The following KAT2B variants were observed in gnomAD, a reference collection of about 807,000 sequenced individuals.
KAT2B encodes the protein lysine acetyltransferase 2B.
Under a neutral mutation model 105.9 loss-of-function variants are expected in KAT2B, and 36 were observed. The ratio of observed to expected loss-of-function variants is 0.34; its 90% CI spans 0.26 to 0.45. The LOEUF (loss-of-function observed/expected upper bound fraction) is 0.45, where lower values mean the gene tolerates loss of function less well. Among genes scored for constraint, KAT2B ranks in the 20% least tolerant of loss-of-function variants. KAT2B has a pLI of 1.00. For missense variants in KAT2B, 820 were observed against 1,021.6 expected (o/e 0.80, Z 2.69); for synonymous variants, 397 against 377.9 (o/e 1.05, Z -0.59).
intron 9 of KAT2B, among the ~76,000 whole-genome samples, chr3:20,123,533 T>G (rs1260659089): frequency 1.3e-5 from 2 of 152,240 alleles, no homozygotes; most frequent in Non-Finnish European, 2.9e-5. Context: ...TTGCAAAGTA[T>G]GAAATATTTA....
chr3:20,043,261 T>G lies in KAT2B; in HGVS notation c.303+2481T>G, dbSNP rs549026362. Among the ~76,000 whole-genome samples, 3 of 152,280 alleles carry G rather than the reference T, an allele frequency of 2.0e-5. No individual in the cohort carries two copies. The East Asian group carries it at 5.8e-4, about 29-fold the overall frequency. ...AGTAAATATTTAGAGGGTTACCAAC[T>G]GGGTGTCAGGCATTGGGCTAGGTGC... is the stretch of plus-strand genomic sequence containing the variant. On this transcript the variant is annotated intron_variant, in intron 1 of 17. Transcript: ENST00000263754.
intron 2 of KAT2B, among the ~76,000 whole-genome samples, chr3:20,082,753 C>A (rs1698542038): frequency 6.6e-6 from 1 of 152,154 alleles, no homozygotes; most frequent in Non-Finnish European, 1.5e-5. Context: ...TAACATTTTT[C>A]TACAACCAAA....
intron 7 of KAT2B, among the ~76,000 whole-genome samples, chr3:20,116,808 T>C (rs1422626256): frequency 1.3e-5 from 2 of 152,136 alleles, no homozygotes; most frequent in Non-Finnish European, 2.9e-5. Flanking sequence ...GTTGAGGAAA[T>C]AGAAGCTCAG....
intron 11 of KAT2B, among the ~76,000 whole-genome samples, chr3:20,131,453 C>T (rs1181573037): frequency 6.6e-6 from 1 of 152,186 alleles, no homozygotes; most frequent in Non-Finnish European, 1.5e-5. Context: ...AACCCAGCAA[C>T]ACTAGACAAC....
chr3:20,140,389 C>A (rs752185302), intron 13 of KAT2B, 25 bp downstream of exon 13: 7 of 1,612,212 alleles, frequency 4.3e-6, no homozygotes. Context: ...GACTCCCTTA[C>A]CTTCTGTACA....
At chr3:20,118,786 A>G (rs1359262427) in intron 7 of KAT2B, among the ~76,000 whole-genome samples, 1 of 147,338 alleles carries the variant, frequency 6.8e-6, no homozygotes, top group African/African-American at 2.5e-5. Context: ...ATATATTTAT[A>G]CGTTATATAT....
intron 2 of KAT2B, among the ~76,000 whole-genome samples, chr3:20,093,484 C>A (rs1209378210): frequency 2.6e-5 from 4 of 152,042 alleles, no homozygotes. Flanking sequence ...TAGTTGGAAA[C>A]CAAGAGTTGT....
intron 3 of KAT2B, among the ~76,000 whole-genome samples, chr3:20,096,043 A>G (rs1238343275): frequency 6.6e-6 from 1 of 152,172 alleles, no homozygotes; most frequent in Non-Finnish European, 1.5e-5. Flanking sequence ...TAGGCCGTGC[A>G]CTAAGAGAGC....
In KAT2B at chr3:20,095,249, G is replaced by C. The variant is rs1189380925; in HGVS notation, c.431-14G>C. 6.2e-6 allele frequency: 10 copies of C among 1,604,298 alleles called. No homozygotes were observed. Among genetic ancestry groups the C allele is most frequent in the African/African-American group, 5.4e-5 (4 of 74,482 alleles). On this transcript the variant is annotated splice_polypyrimidine_tract_variant and intron_variant, in intron 2 of 17. Transcript: ENST00000263754. ...ATTGAGGTCTTACATATGTTTCTTT[G>C]ATCTTATCATAAGCTGCTCATGTTT... is the stretch of plus-strand genomic sequence containing the variant.
At chr3:20,097,440 GTAT>G (rs1281189660) in intron 3 of KAT2B, among the ~76,000 whole-genome samples, 1 of 152,086 alleles carries the variant, frequency 6.6e-6, no homozygotes, top group African/African-American at 2.4e-5. Flanking sequence ...CCTGCAAAAA[GTAT>G]TATTCTTGGG....
intron 1 of KAT2B, among the ~76,000 whole-genome samples, chr3:20,050,829 A>G (rs1217625097): frequency 6.6e-6 from 1 of 151,874 alleles, no homozygotes; most frequent in African/African-American, 2.4e-5. Flanking sequence ...TGAATCTTTA[A>G]CTAAGCTTTT....
chr3:20,090,896 C>G lies in KAT2B; in HGVS notation c.431-4367C>G, dbSNP rs1298805771. ...CTGGGACTACAGGCATGTGACACCA[C>G]ACCTGCCTAATTTTTATTTATTTAT... is the stretch of plus-strand genomic sequence containing the variant. On this transcript the variant is annotated intron_variant, in intron 2 of 17. Coordinates refer to ENST00000263754, the MANE Select transcript of KAT2B (RefSeq NM_003884.5). Among the ~76,000 whole-genome samples, 11 of 152,164 alleles carry G rather than the reference C, an allele frequency of 7.2e-5. No individual in the cohort carries two copies. In the South Asian group the frequency reaches 8.3e-4, roughly 11 times the overall value.
chr3:20,041,374 C>G (rs903911339), intron 1 of KAT2B, among the ~76,000 whole-genome samples: 1 of 152,122 alleles, frequency 6.6e-6, no homozygotes, highest in African/African-American at 2.4e-5. Flanking sequence ...GGCACTGCCG[C>G]GCGCGGTGAC....
chr3:20,055,859 T>G (rs570051622), intron 1 of KAT2B, among the ~76,000 whole-genome samples: 1 of 152,304 alleles, frequency 6.6e-6, no homozygotes, highest in South Asian at 2.1e-4. Flanking sequence ...TTGTGTCACT[T>G]TAAGTTAATT....
chr3:20,139,655 GTTA>G (rs1699664858), intron 12 of KAT2B, among the ~76,000 whole-genome samples: 1 of 151,972 alleles, frequency 6.6e-6, no homozygotes, highest in Non-Finnish European at 1.5e-5. Context: ...GAAGCAGTCT[GTTA>G]TTATGGCTTA....
intron 1 of KAT2B, among the ~76,000 whole-genome samples, chr3:20,044,460 A>G (rs1467469335): frequency 1.3e-5 from 2 of 152,062 alleles, no homozygotes; most frequent in South Asian, 2.1e-4. Flanking sequence ...AGATCTGACC[A>G]TGTTATACCC....
At chr3:20,122,056 AAGG>A (rs1361441576) in intron 8 of KAT2B, among the ~76,000 whole-genome samples, 1 of 152,156 alleles carries the variant, frequency 6.6e-6, no homozygotes, top group Non-Finnish European at 1.5e-5. Flanking sequence ...ACATGACTAC[AAGG>A]AGAAATAATC....
intron 2 of KAT2B, among the ~76,000 whole-genome samples, chr3:20,082,758 A>C (rs1698542132): frequency 6.6e-6 from 1 of 152,230 alleles, no homozygotes; most frequent in South Asian, 2.1e-4. Flanking sequence ...TTTTTCTACA[A>C]CCAAACCAAA....
At chr3:20,054,517 C>T (rs1358461270) in intron 1 of KAT2B, among the ~76,000 whole-genome samples, 2 of 152,302 alleles carry the variant, frequency 1.3e-5, no homozygotes, top group African/African-American at 4.8e-5. Flanking sequence ...TTAGGGTAAT[C>T]TTGTCAGTAA....
Sources: gnomAD v4.1 joint callset for allele counts (sites outside exome capture counted in the v4.1 genomes callset) on GRCh38, gnomAD v4.1.1 for gene constraint, MANE v1.5 for transcripts, NCBI Gene and HGNC (gene_info 2026-07-23, HGNC 2026-07-21) for gene names.